The following CHD5 variants were observed in gnomAD, a reference collection of about 807,000 sequenced individuals.
The protein encoded by CHD5 is chromodomain helicase DNA binding protein 5, also known as ATP-dependent chromatin remodeler CHD5.
In CHD5, 69 loss-of-function variants were observed where a neutral mutation model predicts 230.3. The observed-to-expected ratio is 0.30, with a 90% CI of 0.25 to 0.37. CHD5 has a LOEUF of 0.37. Ranked by LOEUF, CHD5 falls within the 10% of genes least tolerant of loss-of-function variation. CHD5 has a pLI of 1.00. For synonymous variants in CHD5, 1,064 were observed against 1,065.9 expected (o/e 1.00, Z 0.03); for missense variants, 1,827 against 2,622.8 (o/e 0.70, Z 6.63).
intron 2 of CHD5, among the ~76,000 whole-genome samples, chr1:6,165,224 C>T (rs1040185768): frequency 2.0e-5 from 3 of 152,154 alleles, no homozygotes; most frequent in African/African-American, 7.2e-5. Flanking sequence ...CCTGTCCAGG[C>T]GCTGCCCACC....
intron 15 of CHD5, among the ~76,000 whole-genome samples, chr1:6,141,267 AGAGT>A (rs1666824253): frequency 6.6e-6 from 1 of 151,180 alleles, no homozygotes; most frequent in African/African-American, 2.4e-5. Flanking sequence ...CCTGGGCGAC[AGAGT>A]GAGACTCCGT....
intron 17 of CHD5, among the ~76,000 whole-genome samples, 192 bp downstream of exon 17, chr1:6,136,325 T>C (rs970658229): frequency 4.6e-5 from 7 of 152,176 alleles, no homozygotes; most frequent in African/African-American, 1.4e-4. Context: ...AACATTCCCA[T>C]GTGCCCACGC....
rs146996909 is a variant in CHD5, at chr1:6,168,249, G to T, written c.108C>A (p.Phe36Leu). 2.5e-6 allele frequency: 4 copies of T among 1,609,194 alleles called. No individual in the cohort carries two copies. In the South Asian group the frequency reaches 4.4e-5, roughly 18 times the overall value. The change falls in exon 2 of 42, where the codon TTC becomes TTA. Residue 36 changes from phenylalanine (F) to leucine (L), a missense_variant. By Grantham distance (22) the Phe-to-Leu change is conservative. Around this residue, in one of 14 missense-constraint regions of CHD5, gnomAD observed 113 missense variants for 91.9 expected, o/e 1.23. Coordinates refer to ENST00000262450, the MANE Select transcript of CHD5 (RefSeq NM_015557.3). ...SEEEDGGLEA[F>L]DDFFPVEPVS... ...CGGGCTCCACAGGGAAAAAGTCATC[G>T]AAGGCTTCAAGACCACCATCTTCTT...
rs976169261 is a variant in CHD5, at chr1:6,131,458, G to A, written c.3262+173C>T. On this transcript the variant is annotated intron_variant, in intron 21 of 41. Transcript: ENST00000262450. This position sits in a 1 kb window ranked among gnomAD's most constrained non-coding sequence, Gnocchi z 5.0. The stretch of plus-strand genomic sequence containing the variant: ...TATCTACTGGGCCCCTCAGAACTCC[G>A]ATTCCATGGGAGGAATCCTTTTAAC... 4.6e-5 allele frequency among the ~76,000 whole-genome samples: 7 copies of A among 152,152 alleles called. No individual in the cohort carries two copies. Among genetic ancestry groups the A allele is most frequent in the Admixed American group, 6.5e-5 (1 of 15,274 alleles).
In CHD5 at chr1:6,102,341, G is replaced by C. The variant is rs1557530584; in HGVS notation, c.*3133C>G. The C allele has an allele frequency of 6.4e-6, 1 of 156,426 alleles. No individual in the cohort carries two copies. Among genetic ancestry groups the C allele is most frequent in the African/African-American group, 2.4e-5 (1 of 41,364 alleles). The allele number at this position is 156,426 out of a possible 1,614,324, so 9.7% of individuals were successfully genotyped here. ...CACAACCTGTAAACTTTCAGACACA[G>C]AAAACAGGACAGGAACCAGCTGCCG... On this transcript the variant is annotated 3_prime_UTR_variant, in exon 42 of 42. Transcript: ENST00000262450.
chr1:6,170,820 T>C (rs561612886), intron 1 of CHD5, among the ~76,000 whole-genome samples: 26 of 152,316 alleles, frequency 1.7e-4, no homozygotes, highest in African/African-American at 5.8e-4. Flanking sequence ...GGAGTCGTCC[T>C]GCAGAGCAGG....
intron 1 of CHD5, among the ~76,000 whole-genome samples, chr1:6,172,544 C>T (rs1667354762): frequency 6.6e-6 from 1 of 152,014 alleles, no homozygotes; most frequent in South Asian, 2.1e-4. Flanking sequence ...CTCAAAGGAC[C>T]TCATTATTTA....
At position 6,178,841 on chromosome 1, in the gene CHD5, G is replaced by A. The variant is rs79543055; in HGVS notation, c.79+1104C>T. ...GCTGCTTCCTCCAACAGGAGCTGGA[G>A]GTGTCCATTTGTGGAGTCTTCTCAC... On this transcript the variant is annotated intron_variant, in intron 1 of 41. Coordinates refer to ENST00000262450, the MANE Select transcript of CHD5 (RefSeq NM_015557.3). 8.5e-3 allele frequency among the ~76,000 whole-genome samples: 1,294 copies of A among 152,274 alleles called. 19 individuals are homozygous for A. The highest frequency in any genetic ancestry group is 0.03 in the African/African-American group (1,232 of 41,524).
At chr1:6,111,659 G>T in intron 36 of CHD5, 116 bp downstream of exon 36, 1 of 778,638 alleles carries the variant, frequency 1.3e-6, no homozygotes, top group Non-Finnish European at 2.2e-6. Flanking sequence ...ACCGCCAGAA[G>T]TGAGGAAGAT....
At chr1:6,161,697 T>C (rs1279172860) in intron 2 of CHD5, among the ~76,000 whole-genome samples, 1 of 152,148 alleles carries the variant, frequency 6.6e-6, no homozygotes, top group East Asian at 1.9e-4. Context: ...CCACGTCCCG[T>C]TGAGGGTGTC....
intron 1 of CHD5, among the ~76,000 whole-genome samples, chr1:6,175,432 G>T (rs1320791775): frequency 6.6e-6 from 1 of 151,672 alleles, no homozygotes; most frequent in African/African-American, 2.4e-5. Flanking sequence ...ATGACGGGTG[G>T]ATAGATGGAT....
rs1666461570 is a variant in CHD5, at chr1:6,121,028, C to T, written c.4912+77G>A. 2.8e-6 allele frequency: 4 copies of T among 1,436,230 alleles called. No individual in the cohort carries two copies. The highest frequency in any genetic ancestry group is 2.8e-6 in the Non-Finnish European group (3 of 1,087,532). 89.0% of individuals were successfully genotyped at this position (1,436,230 alleles called of 1,614,324 possible). A position where few individuals can be genotyped will look rare whatever the true frequency, so the allele number is the denominator to read the frequency against. ...AGGGAGAAATGAGCGGAAGTACAGC[C>T]ACCTGCCCTTCTCTGAACCCAGGCC... On this transcript the variant is annotated intron_variant, in intron 33 of 41. Transcript: ENST00000262450. The surrounding 1 kb of genome is among the most constrained non-coding windows in gnomAD (Gnocchi z 4.5).
At chr1:6,127,148 G>A (rs766512448) in intron 25 of CHD5, 5 of 200,316 alleles carry the variant, frequency 2.5e-5, no homozygotes, top group Non-Finnish European at 3.1e-5. Flanking sequence ...GACCCACAAG[G>A]AGCTCTTCGG....
In CHD5 at chr1:6,124,056, G is replaced by A. The variant is rs772563408; in HGVS notation, c.4591C>T (p.Pro1531Ser). The A allele has an allele frequency of 5.6e-6, 9 of 1,613,256 alleles. No homozygotes were observed. Among genetic ancestry groups the A allele is most frequent in the Middle Eastern group, 1.7e-4 (1 of 6,054 alleles). The change falls in exon 31 of 42, where the codon CCT (proline) becomes TCT (serine). Residue 1531 changes from proline to serine, a missense_variant. Pro to Ser is a moderately conservative substitution (Grantham distance 74). This residue lies in a region of CHD5 where 108 missense variants were observed against 152.4 expected (regional missense o/e 0.71). Transcript: ENST00000262450. ...GACTTCTTCCCCTCGGGCCCCTCAGGGATCAAGTCTGGGGTGCTGTACTTC... is the reference window on the plus strand; with the variant it reads ...GACTTCTTCCCCTCGGGCCCCTCAGAGATCAAGTCTGGGGTGCTGTACTTC... ...NGKYSTPDLI[P>S]EGPEGKKSGE...
chr1:6,158,938 C>T (rs531201194), intron 3 of CHD5, among the ~76,000 whole-genome samples: 14 of 131,036 alleles, frequency 1.1e-4, no homozygotes, highest in Admixed American at 4.7e-4. Flanking sequence ...ACCCGGGAGG[C>T]GAAGCTTGCA....
At chr1:6,117,497 G>A (rs1165554737) in intron 33 of CHD5, among the ~76,000 whole-genome samples, 2 of 152,014 alleles carry the variant, frequency 1.3e-5, no homozygotes, top group African/African-American at 4.8e-5. Context: ...GAATTACTTG[G>A]GCCCAGGACT....
intron 3 of CHD5, among the ~76,000 whole-genome samples, chr1:6,157,052 G>A (rs1309418104): frequency 2.0e-5 from 3 of 152,228 alleles, no homozygotes; most frequent in Non-Finnish European, 4.4e-5. Flanking sequence ...CAGGTGCTTG[G>A]AACAGGGTGT....
At chr1:6,124,938 G>T (rs992660392) in intron 29 of CHD5, among the ~76,000 whole-genome samples, 162 bp downstream of exon 29, 1 of 152,292 alleles carries the variant, frequency 6.6e-6, no homozygotes, top group East Asian at 1.9e-4. Context: ...AGCCCTGCCC[G>T]GCACCAGGAC....
At chr1:6,143,206 G>A (rs546791479) in intron 13 of CHD5, among the ~76,000 whole-genome samples, 162 of 152,026 alleles carry the variant, frequency 1.1e-3, no homozygotes, top group Non-Finnish European at 2.1e-3. Flanking sequence ...GCACACCACC[G>A]TGCCTGGCTA....
Sources: gnomAD v4.1 joint callset for allele counts (sites outside exome capture counted in the v4.1 genomes callset) on GRCh38, gnomAD v4.1.1 for gene constraint, gnomAD v4.1.1 regional missense constraint, Gnocchi (gnomAD v3.1) non-coding constraint, MANE v1.5 for transcripts, NCBI Gene and HGNC (gene_info 2026-07-23, HGNC 2026-07-21) for gene names.